RAD51AP1: variants seen among roughly 807,000 people sequenced by gnomAD.
RAD51AP1 encodes RAD51-associated protein 1.
A neutral mutation model predicts 34.3 loss-of-function variants in RAD51AP1; 14 were observed. The observed-to-expected ratio is 0.41, with a 90% CI of 0.27 to 0.64. RAD51AP1 has a LOEUF of 0.64. Among genes scored for constraint, RAD51AP1 ranks in the 30% least tolerant of loss-of-function variants. The pLI is 0.33. For synonymous variants in RAD51AP1, 114 were observed against 129.8 expected, an observed-to-expected ratio of 0.88 and a Z score of 0.83; for missense variants, 348 against 386.9, an observed-to-expected ratio of 0.90 and a Z score of 0.84.
At chr12:4,551,354 G>C (rs1322414927) in intron 6 of RAD51AP1, among the ~76,000 whole-genome samples, 1 of 151,984 alleles carries the variant, frequency 6.6e-6, no homozygotes, top group African/African-American at 2.4e-5. Context: ...AATTAGCTGG[G>C]CGTGGTGTTG....
At chr12:4,557,842 AGCT>A (rs1944593243) in intron 8 of RAD51AP1, among the ~76,000 whole-genome samples, 1 of 152,222 alleles carries the variant, frequency 6.6e-6, no homozygotes, top group Admixed American at 6.5e-5. Context: ...TGAAGGAAGC[AGCT>A]GCTACTCAGC....
chr12:4,553,271 T>C, intron 7 of RAD51AP1, 124 bp downstream of exon 7: 6 of 852,044 alleles, frequency 7.0e-6, no homozygotes, highest in Non-Finnish European at 1.0e-5. Context: ...TGTTAAAATA[T>C]GTAAAAGGAA....
In RAD51AP1 at chr12:4,559,502, A is replaced by G. The variant is rs1305427496; in HGVS notation, c.*509A>G. ...ACTTAGAATTATTTTACACACTAAA[A>G]TGGTTGCAGTTTTATGGCATATGTC... On this transcript the variant is annotated 3_prime_UTR_variant, in exon 9 of 9. Transcript: ENST00000352618. The G allele has an allele frequency of 6.6e-6, 1 of 152,284 alleles. No individual in the cohort carries two copies. Among genetic ancestry groups the G allele is most frequent in the Non-Finnish European group, 1.5e-5 (1 of 68,064 alleles). 9.4% of individuals were successfully genotyped at this position (152,284 alleles called of 1,614,324 possible).
At chr12:4,546,213 A>C in intron 3 of RAD51AP1, 96 bp from the exon 4 acceptor site, 1 of 905,350 alleles carries the variant, frequency 1.1e-6, no homozygotes, top group Non-Finnish European at 1.7e-6. Flanking sequence ...CGAAGTTAGC[A>C]ACTCTTGAAT....
chr12:4,551,494 C>CAAAAA (rs1180432401), intron 6 of RAD51AP1, among the ~76,000 whole-genome samples: 83 of 79,318 alleles, frequency 1.0e-3, no homozygotes, highest in Admixed American at 1.5e-3. Context: ...GGCTCCATCT[C>CAAAAA]AAAAAAAAAA....
At chr12:4,550,987 A>C (rs942428403) in intron 6 of RAD51AP1, among the ~76,000 whole-genome samples, 8 of 152,226 alleles carry the variant, frequency 5.3e-5, no homozygotes, top group Admixed American at 1.3e-4. Context: ...TGGAAGGTTG[A>C]TAAGGATCTT....
At chr12:4,557,459 T>A (rs1007020804) in intron 8 of RAD51AP1, among the ~76,000 whole-genome samples, 4 of 152,198 alleles carry the variant, frequency 2.6e-5, no homozygotes, top group Non-Finnish European at 5.9e-5. Flanking sequence ...TTAAAGTCCA[T>A]TCTGGTTTAC....
chr12:4,541,996 G>A, intron 2 of RAD51AP1, 63 bp downstream of exon 2: 2 of 1,107,318 alleles, frequency 1.8e-6, no homozygotes, highest in South Asian at 1.9e-5. Context: ...GAATTTATAT[G>A]ACATATATAG....
Position 4,543,763 on chromosome 12 carries a change from A to AT in RAD51AP1, c.69dup (p.Asp24Ter), listed in dbSNP as rs1944485745. The AT allele has an allele frequency of 1.3e-6, 2 of 1,580,320 alleles. No homozygotes were observed. Among genetic ancestry groups the AT allele is most frequent in the Non-Finnish European group, 1.7e-6 (2 of 1,165,418 alleles). ...TTGGTTTTAATTCACACATGAATAG[A>AT]TGATTTTGTTTCTGCAACTGTACCT... On this transcript the variant is annotated frameshift_variant and splice_region_variant, in exon 3 of 9. Transcript: ENST00000352618. LOFTEE classifies it high-confidence loss of function.
rs891399816 is a variant in RAD51AP1, at chr12:4,548,076, T to A, written c.320-16T>A. On this transcript the variant is annotated splice_polypyrimidine_tract_variant and intron_variant, in intron 4 of 8. Coordinates refer to ENST00000352618, the MANE Select transcript of RAD51AP1 (RefSeq NM_006479.5). ...TAAGATATATCTGAATTTTCTTTCT[T>A]ATTCCTTATATTTAGGCATTGAAAA... The A allele has an allele frequency of 6.3e-7, 1 of 1,577,654 alleles. No homozygotes were observed. Among genetic ancestry groups the A allele is most frequent in the African/African-American group, 1.4e-5 (1 of 72,636 alleles).
chr12:4,539,083 A>T (rs1428430554), intron 1 of RAD51AP1, 127 bp downstream of exon 1: 1 of 1,049,068 alleles, frequency 9.5e-7, no homozygotes, highest in Non-Finnish European at 1.4e-6. Context: ...GGTTATCAAG[A>T]ACCCAGTCTC....
intron 8 of RAD51AP1, 41 bp downstream of exon 8, chr12:4,556,543 T>C: frequency 6.3e-7 from 1 of 1,585,538 alleles, no homozygotes; most frequent in South Asian, 1.1e-5. Flanking sequence ...CTTGGAAAAT[T>C]ATCACTGGTA....
At chr12:4,543,321 A>G (rs1944482449) in intron 2 of RAD51AP1, among the ~76,000 whole-genome samples, 1 of 152,198 alleles carries the variant, frequency 6.6e-6, no homozygotes, top group Non-Finnish European at 1.5e-5. Context: ...TTGGCCTCCC[A>G]AAGTGCTGGG....
At chr12:4,541,777 A>G in intron 1 of RAD51AP1, 107 bp from the exon 2 acceptor site, 1 of 339,612 alleles carries the variant, frequency 2.9e-6, no homozygotes, top group Admixed American at 4.9e-5. Context: ...TTATTTATTA[A>G]TAAATGAATA....
At chr12:4,544,399 A>G (rs1483137122) in intron 3 of RAD51AP1, among the ~76,000 whole-genome samples, 1 of 152,220 alleles carries the variant, frequency 6.6e-6, no homozygotes, top group Non-Finnish European at 1.5e-5. Flanking sequence ...ATTAGATAGT[A>G]TCAAGAGGCA....
At chr12:4,556,266 T>C in intron 7 of RAD51AP1, 87 bp from the exon 8 acceptor site, 2 of 990,802 alleles carry the variant, frequency 2.0e-6, no homozygotes, top group Non-Finnish European at 3.1e-6. Context: ...TATATGATTA[T>C]GTAACTTTAT....
At chr12:4,548,351 A>T (rs916624441) in intron 5 of RAD51AP1, among the ~76,000 whole-genome samples, 173 bp downstream of exon 5, 7 of 152,208 alleles carry the variant, frequency 4.6e-5, no homozygotes, top group African/African-American at 1.7e-4. Context: ...CTGCAGACAC[A>T]CATTCTTCCC....
intron 4 of RAD51AP1, among the ~76,000 whole-genome samples, chr12:4,547,842 T>A (rs1230899478): frequency 6.6e-6 from 1 of 152,210 alleles, no homozygotes; most frequent in African/African-American, 2.4e-5. Flanking sequence ...GGAAATTCAG[T>A]CTTAGGATAA....
chr12:4,545,882 T>A, intron 3 of RAD51AP1: 1 of 1,570,224 alleles, frequency 6.4e-7, no homozygotes, highest in Non-Finnish European at 8.7e-7. Context: ...GAGGAAGAGA[T>A]GTAAAAAAAT....
Sources: allele counts gnomAD v4.1 joint callset (sites outside exome capture counted in the v4.1 genomes callset), GRCh38; gene constraint gnomAD v4.1.1; transcripts MANE v1.5; gene names NCBI Gene and HGNC (gene_info 2026-07-23, HGNC 2026-07-21).